EXOC2: variants seen among roughly 807,000 people sequenced by gnomAD.
EXOC2 encodes the protein SEC5-like 1.
In EXOC2, 70 loss-of-function variants were observed where a neutral mutation model predicts 131.8. The observed-to-expected ratio is 0.53, with a 90% confidence interval of 0.44 to 0.65. EXOC2 has a LOEUF of 0.65. Ranked by LOEUF, EXOC2 falls within the 30% of genes least tolerant of loss-of-function variation. EXOC2 has a pLI of 0.00. For missense variants in EXOC2, 923 were observed against 1,108.6 expected, an observed-to-expected ratio of 0.83 and a Z score of 2.38; for synonymous variants, 411 against 398.4, an observed-to-expected ratio of 1.03 and a Z score of -0.38.
intron 1 of EXOC2, among the ~76,000 whole-genome samples, chr6:650,299 A>G (rs1762771776): frequency 6.6e-6 from 1 of 152,196 alleles, no homozygotes; most frequent in Admixed American, 6.5e-5. Context: ...AACGTTTCTT[A>G]TCTATAAACA....
At chr6:614,864 A>G (rs1760901910) in intron 6 of EXOC2, among the ~76,000 whole-genome samples, 1 of 152,132 alleles carries the variant, frequency 6.6e-6, no homozygotes, top group African/African-American at 2.4e-5. Context: ...TATATTAAGA[A>G]ACATATTCTC....
chr6:641,384 C>G (rs898323945), intron 1 of EXOC2, among the ~76,000 whole-genome samples: 3 of 152,096 alleles, frequency 2.0e-5, no homozygotes, highest in Admixed American at 6.5e-5. Flanking sequence ...ATTCATGATC[C>G]TCTCAAACCA....
intron 12 of EXOC2, among the ~76,000 whole-genome samples, chr6:575,451 C>A (rs999927348): frequency 6.6e-6 from 1 of 152,094 alleles, no homozygotes; most frequent in African/African-American, 2.4e-5. Flanking sequence ...TCCATCCTCT[C>A]CCTCACTCCC....
chr6:588,211 G>A (rs1487793167), intron 11 of EXOC2, among the ~76,000 whole-genome samples: 1 of 152,152 alleles, frequency 6.6e-6, no homozygotes, highest in Non-Finnish European at 1.5e-5. Flanking sequence ...ATTTAGATTA[G>A]CAGTGTTTAC....
intron 6 of EXOC2, among the ~76,000 whole-genome samples, chr6:617,438 G>T (rs556417537): frequency 6.6e-6 from 1 of 152,214 alleles, no homozygotes; most frequent in African/African-American, 2.4e-5. Flanking sequence ...ATTTAATTTC[G>T]TATCAGCCCT....
At chr6:526,777 C>T (rs1400647430) in intron 23 of EXOC2, among the ~76,000 whole-genome samples, 1 of 152,082 alleles carries the variant, frequency 6.6e-6, no homozygotes, top group Non-Finnish European at 1.5e-5. Flanking sequence ...TATTGTCTAG[C>T]AACACAGCAC....
intron 11 of EXOC2, among the ~76,000 whole-genome samples, chr6:588,906 T>A (rs1433372924): frequency 6.6e-6 from 1 of 152,172 alleles, no homozygotes; most frequent in East Asian, 1.9e-4. Flanking sequence ...TTTCCCTCTA[T>A]CTTTGAGAAA....
intron 2 of EXOC2, 82 bp from the exon 3 acceptor site, chr6:633,199 C>G: frequency 1.4e-6 from 2 of 1,437,810 alleles, no homozygotes; most frequent in Admixed American, 2.1e-5. Flanking sequence ...TTTTTTAAAT[C>G]TAGTCTTGTT....
At chr6:587,466 G>C (rs868591925) in intron 11 of EXOC2, among the ~76,000 whole-genome samples, 3 of 152,128 alleles carry the variant, frequency 2.0e-5, no homozygotes, top group East Asian at 1.9e-4. Flanking sequence ...GGATGGTCTC[G>C]ATCTCCTGAC....
chr6:690,121 G>A (rs1017345187), intron 1 of EXOC2, among the ~76,000 whole-genome samples: 1 of 152,202 alleles, frequency 6.6e-6, no homozygotes, highest in Non-Finnish European at 1.5e-5. Flanking sequence ...CTGGGAAGCT[G>A]AGGCCAGCGC....
chr6:667,114 GATCA>G (rs896292257), intron 1 of EXOC2, among the ~76,000 whole-genome samples: 1 of 96,796 alleles, frequency 1.0e-5, no homozygotes, highest in Non-Finnish European at 2.4e-5. Context: ...TTGTCTGTCA[GATCA>G]ATTAATAAGA....
At chr6:569,296 C>T (rs752828983) in intron 13 of EXOC2, among the ~76,000 whole-genome samples, 7 of 152,178 alleles carry the variant, frequency 4.6e-5, no homozygotes, top group African/African-American at 9.7e-5. Context: ...TTCCTGCACA[C>T]GCAGACCAAA....
intron 23 of EXOC2, among the ~76,000 whole-genome samples, chr6:499,911 G>T (rs887865629): frequency 6.6e-6 from 1 of 151,950 alleles, no homozygotes; most frequent in Non-Finnish European, 1.5e-5. Context: ...TTCTTTTATT[G>T]TTTTTCATTT....
At chr6:498,323 A>G (rs1203254744) in intron 24 of EXOC2, among the ~76,000 whole-genome samples, 4 of 152,250 alleles carry the variant, frequency 2.6e-5, no homozygotes, top group East Asian at 3.8e-4. Context: ...ACTAGGAATC[A>G]GCACCATCAC....
intron 1 of EXOC2, among the ~76,000 whole-genome samples, chr6:682,171 G>A (rs992057792): frequency 1.3e-5 from 2 of 151,072 alleles, no homozygotes; most frequent in African/African-American, 4.9e-5. Context: ...TGACCATTCC[G>A]CAGTTCCTAT....
chr6:597,810 G>T (rs953476944), intron 10 of EXOC2, among the ~76,000 whole-genome samples: 1 of 152,214 alleles, frequency 6.6e-6, no homozygotes, highest in African/African-American at 2.4e-5. Flanking sequence ...TTCTCAAAAA[G>T]TGAGTAACTC....
chr6:648,678 C>G (rs1470844283), intron 1 of EXOC2, among the ~76,000 whole-genome samples: 1 of 151,146 alleles, frequency 6.6e-6, no homozygotes, highest in Non-Finnish European at 1.5e-5. Context: ...AGTGAATAAG[C>G]CTATCCTAAA....
chr6:659,620 C>A, intron 1 of EXOC2, among the ~76,000 whole-genome samples: 1 of 152,282 alleles, frequency 6.6e-6, no homozygotes, highest in East Asian at 1.9e-4. Context: ...GGTCTGTTTG[C>A]GGGAGAAGTT....
chr6:541,941 C>T (rs1470625654), intron 22 of EXOC2, among the ~76,000 whole-genome samples: 3 of 152,186 alleles, frequency 2.0e-5, no homozygotes, highest in Admixed American at 6.5e-5. Context: ...ATGTTACAAA[C>T]GAGCATGACC....
Sources: allele counts gnomAD v4.1 joint callset (sites outside exome capture counted in the v4.1 genomes callset), GRCh38; gene constraint gnomAD v4.1.1; transcripts MANE v1.5; gene names NCBI Gene and HGNC (gene_info 2026-07-23, HGNC 2026-07-21).